Variants in ARK2C observed in about 807,000 individuals in gnomAD.
ARK2C encodes the protein arkadia (RNF111) C-terminal like ring finger ubiquitin ligase 2C.
At chr18:46,377,467 G>A in the ARK2C span, among the ~76,000 whole-genome samples, 1 of 152,162 alleles carries the variant, frequency 6.6e-6, no homozygotes, top group Non-Finnish European at 1.5e-5. Flanking sequence ...CCCACAGGAA[G>A]GTGCTTCATA....
At chr18:46,374,443 G>A in the ARK2C span, among the ~76,000 whole-genome samples, 2 of 152,120 alleles carry the variant, frequency 1.3e-5, no homozygotes, top group African/African-American at 4.8e-5. Context: ...GCCCCTGGCA[G>A]CCTTTATTCC....
chr18:46,338,227 T>C, the ARK2C span, among the ~76,000 whole-genome samples: 206 of 152,322 alleles, frequency 1.4e-3, no homozygotes, highest in East Asian at 0.018. Context: ...GATCTGGAAT[T>C]TTAAAGTACC....
the ARK2C span, among the ~76,000 whole-genome samples, chr18:46,365,784 C>T: frequency 6.6e-6 from 1 of 152,144 alleles, no homozygotes; most frequent in African/African-American, 2.4e-5. Flanking sequence ...TCTCACTTTG[C>T]TGCTGGGTTT....
At chr18:46,432,088 A>G in the ARK2C span, among the ~76,000 whole-genome samples, 1 of 152,178 alleles carries the variant, frequency 6.6e-6, no homozygotes, top group South Asian at 2.1e-4. Flanking sequence ...GCAGACATGT[A>G]CTGAATCTGC....
At chr18:46,398,115 G>A in the ARK2C span, among the ~76,000 whole-genome samples, 1 of 145,666 alleles carries the variant, frequency 6.9e-6, no homozygotes, top group Admixed American at 6.9e-5. Flanking sequence ...GTGTGTGTGA[G>A]ATCATGCTGG....
At chr18:46,460,291 G>C in the ARK2C span, 22 of 152,398 alleles carry the variant, frequency 1.4e-4, no homozygotes, top group Non-Finnish European at 2.9e-4. Flanking sequence ...CTGTAGCAAC[G>C]TCTGTCAGGC....
chr18:46,365,819 C>T, the ARK2C span, among the ~76,000 whole-genome samples: 4 of 152,138 alleles, frequency 2.6e-5, no homozygotes, highest in Non-Finnish European at 5.9e-5. Flanking sequence ...AGTAGGGAAG[C>T]TCCAGCTTTG....
the ARK2C span, among the ~76,000 whole-genome samples, chr18:46,454,764 G>C: frequency 2.4e-4 from 37 of 152,214 alleles, no homozygotes; most frequent in African/African-American, 8.2e-4. Context: ...GAGAGGGACA[G>C]AATGAGTAAT....
At chr18:46,353,610 G>A in the ARK2C span, among the ~76,000 whole-genome samples, 8 of 152,212 alleles carry the variant, frequency 5.3e-5, no homozygotes, top group African/African-American at 9.7e-5. Flanking sequence ...AAATGGAAGT[G>A]TGTGGGAGGA....
the ARK2C span, among the ~76,000 whole-genome samples, chr18:46,354,185 G>A: frequency 1.3e-5 from 2 of 152,200 alleles, no homozygotes; most frequent in African/African-American, 4.8e-5. Context: ...CCAGGGAAGG[G>A]CATGTATGTT....
the ARK2C span, among the ~76,000 whole-genome samples, chr18:46,351,551 C>A: frequency 1.3e-5 from 2 of 152,166 alleles, no homozygotes; most frequent in South Asian, 4.1e-4. Context: ...AGCAGCCCAG[C>A]CCCTTCCTGC....
At chr18:46,391,694 C>A in the ARK2C span, among the ~76,000 whole-genome samples, 2 of 151,850 alleles carry the variant, frequency 1.3e-5, no homozygotes, top group African/African-American at 4.8e-5. Context: ...GGGCTTGGGA[C>A]ATGTCAATCT....
chr18:46,373,443 G>GC, the ARK2C span, among the ~76,000 whole-genome samples: 7 of 152,230 alleles, frequency 4.6e-5, no homozygotes, highest in African/African-American at 1.7e-4. Context: ...TTTTGACAGT[G>GC]CCCCACAGTA....
At chr18:46,424,425 A>C in the ARK2C span, among the ~76,000 whole-genome samples, 20 of 152,170 alleles carry the variant, frequency 1.3e-4, no homozygotes, top group African/African-American at 4.8e-4. Flanking sequence ...CGTGGCAGCC[A>C]TTTATTTGGA....
the ARK2C span, among the ~76,000 whole-genome samples, chr18:46,350,912 A>T: frequency 1.5e-4 from 23 of 152,300 alleles, no homozygotes; most frequent in Non-Finnish European, 2.9e-4. Flanking sequence ...TGGGAGGAGA[A>T]GAGGGCCGGG....
chr18:46,334,696 GT>G, the ARK2C span: 986 of 314,490 alleles, frequency 3.1e-3, 9 homozygotes, highest in African/African-American at 0.024. This position sits in a 1 kb window ranked among gnomAD's most constrained non-coding sequence, Gnocchi z 4.4. Context: ...GTGTGTGTGT[GT>G]GTGTGTGTGT....
chr18:46,447,827 C>A, the ARK2C span: 2 of 975,482 alleles, frequency 2.1e-6, no homozygotes, highest in African/African-American at 1.6e-5. Flanking sequence ...CCGGCTTCCA[C>A]ATGACCCAGC....
the ARK2C span, chr18:46,460,164 G>A: frequency 6.5e-6 from 1 of 152,756 alleles, no homozygotes; most frequent in African/African-American, 2.4e-5. Context: ...TACGCCTAAT[G>A]AACAAGCACA....
chr18:46,443,262 C>T, the ARK2C span, among the ~76,000 whole-genome samples: 1 of 152,048 alleles, frequency 6.6e-6, no homozygotes, highest in African/African-American at 2.4e-5. Context: ...TCTTTTGGAT[C>T]AGTTGAGAAT....
Sources: allele counts gnomAD v4.1 joint callset (sites outside exome capture counted in the v4.1 genomes callset), GRCh38; gene constraint gnomAD v4.1.1; non-coding constraint Gnocchi (gnomAD v3.1); transcripts MANE v1.5; gene names NCBI Gene and HGNC (gene_info 2026-07-23, HGNC 2026-07-21).